The following EIF4G3 variants were observed in gnomAD, a reference collection of about 807,000 sequenced individuals.
EIF4G3 encodes eukaryotic translation initiation factor 4 gamma 3.
A neutral mutation model predicts 186.4 loss-of-function variants in EIF4G3; 34 were observed. The observed-to-expected ratio is 0.18, with a 90% CI of 0.14 to 0.24. EIF4G3 has a LOEUF of 0.24. EIF4G3 is among the 10% of genes least tolerant of loss of function. The pLI is 1.00. For synonymous variants in EIF4G3, 673 were observed against 679.5 expected (o/e 0.99, Z 0.15); for missense variants, 1,536 against 1,948.5 (o/e 0.79, Z 3.99).
chr1:21,134,647 C>A (rs865975758), intron 2 of EIF4G3, among the ~76,000 whole-genome samples: 1 of 151,980 alleles, frequency 6.6e-6, no homozygotes, highest in Admixed American at 6.6e-5. Context: ...CCAGCCTGGA[C>A]GACCGAGTGA....
At chr1:21,140,448 G>A (rs2097317722) in intron 2 of EIF4G3, among the ~76,000 whole-genome samples, 1 of 152,068 alleles carries the variant, frequency 6.6e-6, no homozygotes, top group South Asian at 2.1e-4. Flanking sequence ...TAAATAGCTG[G>A]GACTACAGGA....
At chr1:20,831,065 G>T (rs1046285981) in intron 30 of EIF4G3, among the ~76,000 whole-genome samples, 2 of 152,154 alleles carry the variant, frequency 1.3e-5, no homozygotes, top group African/African-American at 4.8e-5. Flanking sequence ...GGCATGTAGT[G>T]ACCATCACAG....
chr1:20,815,608 G>A (rs559147515), intron 34 of EIF4G3, among the ~76,000 whole-genome samples: 110 of 152,008 alleles, frequency 7.2e-4, no homozygotes, highest in African/African-American at 2.6e-3. Flanking sequence ...TGGGAAGTGA[G>A]GAGCCTCTCC....
chr1:20,894,506 G>A lies in EIF4G3; in HGVS notation c.2133+862C>T, dbSNP rs1040999384. Among the ~76,000 whole-genome samples the A allele has an allele frequency of 5.3e-5, 8 of 152,294 alleles. No individual in the cohort carries two copies. In the East Asian group the frequency reaches 1.3e-3, roughly 26 times the overall value. ...AATGAGTTCTGGATAAGCAGCTGCTGGACATCTTTACTAACCCATTTATGC... is the reference window on the plus strand; with the variant it reads ...AATGAGTTCTGGATAAGCAGCTGCTAGACATCTTTACTAACCCATTTATGC... On this transcript the variant is annotated intron_variant, in intron 17 of 36. Coordinates refer to ENST00000602326, the MANE Select transcript of EIF4G3 (RefSeq NM_001391906.1).
At chr1:21,058,978 T>C (rs1275263759) in intron 3 of EIF4G3, among the ~76,000 whole-genome samples, 1 of 151,962 alleles carries the variant, frequency 6.6e-6, no homozygotes, top group African/African-American at 2.4e-5. Flanking sequence ...CCACTGTTTT[T>C]ATTCTATATA....
chr1:21,025,502 T>C (rs2091943323), intron 4 of EIF4G3, among the ~76,000 whole-genome samples: 1 of 151,956 alleles, frequency 6.6e-6, no homozygotes, highest in Non-Finnish European at 1.5e-5. Context: ...ACAGCAGGAT[T>C]TTCTGAGCAC....
At chr1:20,860,253 C>T (rs780787148) in intron 24 of EIF4G3, 132 bp downstream of exon 24, 77 of 1,233,364 alleles carry the variant, frequency 6.2e-5, no homozygotes, top group Non-Finnish European at 7.8e-5. Context: ...GGTGAAACTG[C>T]TTCACCTAAC....
chr1:20,810,394 T>A lies in EIF4G3; in HGVS notation c.4744+344A>T, dbSNP rs531703478. 6.6e-6 allele frequency among the ~76,000 whole-genome samples: 1 copy of A among 152,258 alleles called. No individual in the cohort carries two copies. The highest frequency in any genetic ancestry group is 2.1e-4 in the South Asian group (1 of 4,830). On this transcript the variant is annotated intron_variant, in intron 36 of 36. Transcript: ENST00000602326. The surrounding 1 kb of genome is among the most constrained non-coding windows in gnomAD (Gnocchi z 4.1). ...TGGTCTCGATCTCCTGACCTCATGA[T>A]CCATCTGCCTCGGCCTCCCAAAGTG...
chr1:21,009,659 G>A (rs2086386133), intron 4 of EIF4G3, among the ~76,000 whole-genome samples: 2 of 151,398 alleles, frequency 1.3e-5, no homozygotes, highest in African/African-American at 4.9e-5. Context: ...GGGGGGTGCT[G>A]GGGGGGTAGT....
intron 2 of EIF4G3, among the ~76,000 whole-genome samples, chr1:21,112,875 C>T (rs1264072336): frequency 6.6e-6 from 1 of 151,988 alleles, no homozygotes; most frequent in African/African-American, 2.4e-5. Flanking sequence ...TATCCAGTAT[C>T]GTAAGTCCAA....
intron 2 of EIF4G3, among the ~76,000 whole-genome samples, chr1:21,155,293 A>AAG (rs2097637144): frequency 1.3e-5 from 2 of 151,102 alleles, no homozygotes; most frequent in Admixed American, 6.6e-5. Flanking sequence ...AAAAGAAAGA[A>AAG]AGAAATTATA....
chr1:21,114,643 T>C (rs145071866), intron 2 of EIF4G3, among the ~76,000 whole-genome samples: 1,528 of 152,324 alleles, frequency 0.01, 15 homozygotes, highest in Non-Finnish European at 0.015. Context: ...GCAACAGAAC[T>C]GCTTTATGTG....
intron 12 of EIF4G3, among the ~76,000 whole-genome samples, chr1:20,953,625 C>T (rs2096299833): frequency 6.6e-6 from 1 of 152,120 alleles, no homozygotes; most frequent in Non-Finnish European, 1.5e-5. Context: ...TTTACATAGG[C>T]ACATTGTTTT....
At chr1:20,939,506 C>A (rs1573181448) in intron 14 of EIF4G3, among the ~76,000 whole-genome samples, 1 of 152,220 alleles carries the variant, frequency 6.6e-6, no homozygotes, top group East Asian at 1.9e-4. Flanking sequence ...CACTGTCTTG[C>A]AATATCAGGT....
In EIF4G3 at chr1:20,941,879, C is replaced by T. The variant is rs150884106; in HGVS notation, c.1275G>A (p.Thr425=). ...INGVSEKLSA[T]ESIVEIVKQE... ...GTTTTACTATTTCCACAATGCTCTC[C>T]GTGGCTGATAATTTTTCGCTAACTC... The change falls in exon 14 of 37, where the codon ACG becomes ACA. Residue 425 remains threonine (T), a synonymous_variant. Coordinates refer to ENST00000602326, the MANE Select transcript of EIF4G3 (RefSeq NM_001391906.1). 3.9e-5 allele frequency: 63 copies of T among 1,613,994 alleles called. No homozygotes were observed. Among genetic ancestry groups the T allele is most frequent in the Non-Finnish European group, 4.7e-5 (55 of 1,180,028 alleles).
chr1:21,175,975 G>A (rs1355587643), intron 2 of EIF4G3, 200 bp downstream of exon 2: 29 of 252,526 alleles, frequency 1.1e-4, no homozygotes, highest in Non-Finnish European at 1.8e-4. Flanking sequence ...TCACAGTATT[G>A]CAGAGGGTCT....
intron 29 of EIF4G3, among the ~76,000 whole-genome samples, chr1:20,843,407 C>T (rs1009621977): frequency 5.9e-5 from 9 of 151,918 alleles, no homozygotes; most frequent in Non-Finnish European, 1.3e-4. Context: ...ATCTCAGCCA[C>T]TCGGGAGGCT....
chr1:21,078,761 G>C (rs1207116346), intron 3 of EIF4G3, among the ~76,000 whole-genome samples: 1 of 152,166 alleles, frequency 6.6e-6, no homozygotes, highest in East Asian at 1.9e-4. Flanking sequence ...AAAGCAGGTG[G>C]ATCACTTGAG....
At chr1:21,008,577 G>A (rs945677022) in intron 4 of EIF4G3, among the ~76,000 whole-genome samples, 3 of 152,126 alleles carry the variant, frequency 2.0e-5, no homozygotes, top group African/African-American at 7.2e-5. Flanking sequence ...GACCTCAGGT[G>A]ATCCACCGGG....
Sources: allele counts gnomAD v4.1 joint callset (sites outside exome capture counted in the v4.1 genomes callset), GRCh38; gene constraint gnomAD v4.1.1; non-coding constraint Gnocchi (gnomAD v3.1); transcripts MANE v1.5; gene names NCBI Gene and HGNC (gene_info 2026-07-23, HGNC 2026-07-21).